Variants in MED27 observed in about 807,000 individuals in gnomAD.
MED27 encodes the protein mediator of RNA polymerase II transcription subunit 27.
In MED27, 30 loss-of-function variants were observed where a neutral mutation model predicts 38.2. That is an observed-to-expected ratio of 0.79 (90% CI 0.59 to 1.07). MED27 has a LOEUF of 1.07. MED27 is among the 50% of genes least tolerant of loss of function. The probability of loss-of-function intolerance (pLI) is 0.00; values close to 1 mark genes in which losing one functional copy is unlikely to be tolerated. For missense variants in MED27, 289 were observed against 397.5 expected, an observed-to-expected ratio of 0.73 and a Z score of 2.32; for synonymous variants, 122 against 153.5, an observed-to-expected ratio of 0.79 and a Z score of 1.52.
At chr9:131,971,623 C>A (rs1831479110) in intron 3 of MED27, among the ~76,000 whole-genome samples, 1 of 152,070 alleles carries the variant, frequency 6.6e-6, no homozygotes, top group South Asian at 2.1e-4. Flanking sequence ...AGAGGGTGGC[C>A]CGGACCTGGG....
At chr9:131,922,744 C>T (rs1304827346) in intron 4 of MED27, among the ~76,000 whole-genome samples, 1 of 151,770 alleles carries the variant, frequency 6.6e-6, no homozygotes, top group Non-Finnish European at 1.5e-5. Flanking sequence ...CCCATTAACT[C>T]GTCATTTAGC....
chr9:131,877,611 G>A lies in MED27; in HGVS notation c.723+6447C>T, dbSNP rs547972280. 2.0e-5 allele frequency among the ~76,000 whole-genome samples: 3 copies of A among 152,226 alleles called. No homozygotes were observed. In the East Asian group the frequency reaches 5.8e-4, roughly 29 times the overall value. The stretch of plus-strand genomic sequence containing the variant: ...ATAAAACAATGTAATGACTGTTTAT[G>A]GAGCCTCTTTAGTGGTGTGAAACAC... On this transcript the variant is annotated intron_variant, in intron 6 of 7. Transcript: ENST00000292035.
chr9:132,002,055 C>T (rs1164389208), intron 3 of MED27, among the ~76,000 whole-genome samples: 4 of 152,222 alleles, frequency 2.6e-5, no homozygotes, highest in African/African-American at 7.2e-5. Context: ...CTTTAATTGG[C>T]AGCCCATTAT....
At chr9:131,986,085 C>T (rs1035232020) in intron 3 of MED27, among the ~76,000 whole-genome samples, 1 of 151,996 alleles carries the variant, frequency 6.6e-6, no homozygotes, top group African/African-American at 2.4e-5. Flanking sequence ...AACGTCATAA[C>T]AAAAGAATCA....
At position 131,860,715 on chromosome 9, in the gene MED27, G is replaced by C. The variant is rs1303094429; in HGVS notation, c.802-43C>G. ...GAGAGAAGTGAAAGAATGGGATACGGGTGCTCCCAAAGTCCTCCTTCCTAT... is the reference window on the plus strand; with the variant it reads ...GAGAGAAGTGAAAGAATGGGATACGCGTGCTCCCAAAGTCCTCCTTCCTAT... On this transcript the variant is annotated intron_variant, in intron 7 of 7. Coordinates refer to ENST00000292035, the MANE Select transcript of MED27 (RefSeq NM_004269.4). The surrounding 1 kb of genome is among the most constrained non-coding windows in gnomAD (Gnocchi z 5.8). 1.6e-5 allele frequency: 26 copies of C among 1,603,030 alleles called. No individual in the cohort carries two copies. The highest frequency in any genetic ancestry group is 2.1e-5 in the Non-Finnish European group (25 of 1,174,080).
chr9:131,897,944 C>T (rs1829861973), intron 4 of MED27, among the ~76,000 whole-genome samples: 1 of 152,122 alleles, frequency 6.6e-6, no homozygotes, highest in Non-Finnish European at 1.5e-5. Context: ...CCTCCCAACC[C>T]CATGTCCCCA....
At chr9:131,879,691 G>A (rs1839000810) in intron 6 of MED27, among the ~76,000 whole-genome samples, 1 of 152,184 alleles carries the variant, frequency 6.6e-6, no homozygotes, top group Non-Finnish European at 1.5e-5. Context: ...TGCAGGCTGA[G>A]CTTTTCTGGA....
In MED27 at chr9:131,943,995, G is replaced by A. The variant is rs77612224; in HGVS notation, c.480-4521C>T. Among the ~76,000 whole-genome samples the A allele has an allele frequency of 4.2e-3, 640 of 152,116 alleles. 10 individuals carry two copies. Among genetic ancestry groups the A allele is most frequent in the African/African-American group, 0.015 (619 of 41,500 alleles). ...TTTCCCTGCCCTTTGCCCTAGCTGC[G>A]GTAAGACTCTCAACGGTTTCCAATC... On this transcript the variant is annotated intron_variant, in intron 3 of 7. Transcript: ENST00000292035.
At chr9:131,916,999 G>A (rs751951032) in intron 4 of MED27, among the ~76,000 whole-genome samples, 4 of 152,188 alleles carry the variant, frequency 2.6e-5, no homozygotes, top group Non-Finnish European at 4.4e-5. Flanking sequence ...ATGCACAGCC[G>A]TTTTGCCAGA....
intron 5 of MED27, among the ~76,000 whole-genome samples, chr9:131,886,092 A>G (rs1289849911): frequency 2.0e-5 from 3 of 152,208 alleles, no homozygotes; most frequent in Admixed American, 2.0e-4. Context: ...TTGACCCAGG[A>G]CACTTCAGAG....
At chr9:132,015,173 C>G (rs1280795825) in intron 2 of MED27, among the ~76,000 whole-genome samples, 2 of 152,148 alleles carry the variant, frequency 1.3e-5, no homozygotes, top group African/African-American at 4.8e-5. Flanking sequence ...AAATATCAAT[C>G]ATAAGAACAA....
In MED27 at chr9:131,860,732, C is replaced by A; in HGVS notation, c.802-60G>T. ...GGGATACGGGTGCTCCCAAAGTCCT[C>A]CTTCCTATCAAGCCTAATGGCCCAG... On this transcript the variant is annotated intron_variant, in intron 7 of 7. Transcript: ENST00000292035. The surrounding 1 kb of genome is among the most constrained non-coding windows in gnomAD (Gnocchi z 5.8). 1 of 1,583,666 alleles carries A rather than the reference C, an allele frequency of 6.3e-7. No individual in the cohort carries two copies. Among genetic ancestry groups the A allele is most frequent in the Non-Finnish European group, 8.6e-7 (1 of 1,162,128 alleles).
At chr9:131,957,265 C>CTT (rs575713447) in intron 3 of MED27, among the ~76,000 whole-genome samples, 2 of 146,212 alleles carry the variant, frequency 1.4e-5, no homozygotes, top group South Asian at 2.2e-4. Context: ...TTCTTTTATT[C>CTT]TTTTTTTTTT....
chr9:132,060,524 G>T (rs1244016023), intron 2 of MED27, among the ~76,000 whole-genome samples: 3 of 152,196 alleles, frequency 2.0e-5, no homozygotes, highest in Non-Finnish European at 4.4e-5. Context: ...GGTCCCACAT[G>T]ATGGCTCCAT....
At chr9:131,993,024 C>T (rs571926409) in intron 3 of MED27, among the ~76,000 whole-genome samples, 2 of 152,086 alleles carry the variant, frequency 1.3e-5, no homozygotes, top group African/African-American at 4.8e-5. Context: ...ATGGGTGACC[C>T]GGGGTGCAAG....
rs906735283 is a variant in MED27 at position 131,928,010 on chromosome 9, CATGCAT to C, written c.573+11365_573+11370del. ...GTCCAATGACTTCATGCTGTTTTCCCATGCATATGCACAAACAACCCCCAAGCCCTC... is the reference window on the plus strand; with the variant it reads ...GTCCAATGACTTCATGCTGTTTTCCCATGCACAAACAACCCCCAAGCCCTC... On this transcript the variant is annotated intron_variant, in intron 4 of 7. Transcript: ENST00000292035. 6.2e-4 allele frequency among the ~76,000 whole-genome samples: 95 copies of C among 152,270 alleles called. 1 individual carries two copies. The highest frequency in any genetic ancestry group is 2.5e-4 in the Non-Finnish European group (17 of 68,010).
chr9:131,977,374 C>G (rs564665776), intron 3 of MED27, among the ~76,000 whole-genome samples: 5 of 152,160 alleles, frequency 3.3e-5, no homozygotes, highest in African/African-American at 4.8e-5. Flanking sequence ...ACTACTGCAG[C>G]CTTAGACAAT....
intron 4 of MED27, among the ~76,000 whole-genome samples, chr9:131,898,520 C>T (rs1219436538): frequency 1.3e-5 from 2 of 149,756 alleles, no homozygotes; most frequent in African/African-American, 4.9e-5. Flanking sequence ...CCAGCCAATT[C>T]TTATTTTTTA....
intron 3 of MED27, among the ~76,000 whole-genome samples, chr9:132,004,707 ACCTGGTTC>A (rs1832318396): frequency 1.3e-5 from 2 of 152,026 alleles, no homozygotes; most frequent in Non-Finnish European, 2.9e-5. Context: ...TCCAAATTCC[ACCTGGTTC>A]CCGGCCATTC....
Sources: allele counts gnomAD v4.1 joint callset (sites outside exome capture counted in the v4.1 genomes callset), GRCh38; gene constraint gnomAD v4.1.1; non-coding constraint Gnocchi (gnomAD v3.1); transcripts MANE v1.5; gene names NCBI Gene and HGNC (gene_info 2026-07-23, HGNC 2026-07-21).